The following EXOC6B variants were observed in gnomAD, a reference collection of about 807,000 sequenced individuals.
EXOC6B encodes the protein SEC15 homolog B.
EXOC6B carries 54 observed loss-of-function variants against 113.5 expected under a neutral mutation model. The observed-to-expected ratio is 0.48, with a 90% CI of 0.38 to 0.60. The LOEUF (loss-of-function observed/expected upper bound fraction) is 0.60, where lower values mean the gene tolerates loss of function less well. EXOC6B is among the 20% of genes least tolerant of loss of function. The pLI is 0.00. For synonymous variants in EXOC6B, 357 were observed against 339.0 expected (o/e 1.05, Z -0.58); for missense variants, 797 against 977.5 (o/e 0.82, Z 2.46).
chr2:72,293,923 A>T (rs1454978006), intron 20 of EXOC6B, among the ~76,000 whole-genome samples: 1 of 152,170 alleles, frequency 6.6e-6, no homozygotes, highest in African/African-American at 2.4e-5. Flanking sequence ...ACAGTAAGAG[A>T]CCATCAAGTT....
Position 72,420,634 on chromosome 2 carries a change from C to T in EXOC6B, c.1981-40764G>A, listed in dbSNP as rs145401984. Among the ~76,000 whole-genome samples, 15 of 152,266 alleles carry T rather than the reference C, an allele frequency of 9.9e-5. No individual in the cohort carries two copies. The East Asian group carries it at 2.7e-3, about 27-fold the overall frequency. On this transcript the variant is annotated intron_variant, in intron 18 of 21. Coordinates refer to ENST00000272427, the MANE Select transcript of EXOC6B (RefSeq NM_015189.3). ...TGCCACATTTTCTTAATCAATCTAT[C>T]ATTGATGGACATTTGGGTTGGTTCC...
intron 19 of EXOC6B, among the ~76,000 whole-genome samples, chr2:72,345,314 T>TA (rs750101590): frequency 3.3e-5 from 5 of 152,162 alleles, no homozygotes; most frequent in Non-Finnish European, 7.3e-5. Flanking sequence ...ATCAGCCCAG[T>TA]AACTGCATTG....
intron 8 of EXOC6B, among the ~76,000 whole-genome samples, chr2:72,552,134 A>G (rs141033696): frequency 6.0e-4 from 92 of 152,362 alleles, no homozygotes; most frequent in African/African-American, 2.1e-3. Context: ...TAATGTTGGT[A>G]CTGGCGGATA....
chr2:72,722,305 G>C (rs1573689857), intron 5 of EXOC6B, among the ~76,000 whole-genome samples: 1 of 151,856 alleles, frequency 6.6e-6, no homozygotes. Context: ...TTTGGTATAG[G>C]AAAAATTCAG....
At chr2:72,514,750 CACTT>C (rs2105683015) in intron 9 of EXOC6B, 70 bp from the exon 10 acceptor site, 3 of 935,384 alleles carry the variant, frequency 3.2e-6, no homozygotes. Context: ...TAAAATCAGT[CACTT>C]AATCTCTTAA....
intron 7 of EXOC6B, among the ~76,000 whole-genome samples, chr2:72,561,966 G>A (rs1177775291): frequency 6.6e-6 from 1 of 152,096 alleles, no homozygotes; most frequent in East Asian, 1.9e-4. Flanking sequence ...AAAAAGAGAA[G>A]GGAGTAAAAT....
chr2:72,179,207 A>G lies in EXOC6B; in HGVS notation c.*128T>C. 4 of 1,045,456 alleles carry G rather than the reference A, an allele frequency of 3.8e-6. No individual in the cohort carries two copies. The highest frequency in any genetic ancestry group is 5.4e-6 in the Non-Finnish European group (4 of 738,270). 64.8% of individuals were successfully genotyped at this position (1,045,456 alleles called of 1,614,324 possible). ...GGGAAATGTTATGTGAATACTGCAC[A>G]GGGGTTAATAAAAAAATACATATGC... On this transcript the variant is annotated 3_prime_UTR_variant, in exon 22 of 22. Transcript: ENST00000272427.
intron 6 of EXOC6B, among the ~76,000 whole-genome samples, chr2:72,612,906 G>C (rs1334254072): frequency 6.6e-6 from 1 of 152,142 alleles, no homozygotes; most frequent in African/African-American, 2.4e-5. Flanking sequence ...TTTCTTATTG[G>C]ATGTCTTTAA....
intron 6 of EXOC6B, among the ~76,000 whole-genome samples, chr2:72,633,415 T>C (rs1050529305): frequency 3.3e-5 from 5 of 152,178 alleles, no homozygotes; most frequent in African/African-American, 9.7e-5. Flanking sequence ...GTTGTTGTTG[T>C]TGTTGCTACT....
chr2:72,711,007 A>G (rs772921001), intron 6 of EXOC6B, among the ~76,000 whole-genome samples: 1 of 152,224 alleles, frequency 6.6e-6, no homozygotes, highest in Non-Finnish European at 1.5e-5. Context: ...CAGCCTAGAC[A>G]AGAATGATTA....
chr2:72,715,811 T>C (rs1438838019), intron 6 of EXOC6B, among the ~76,000 whole-genome samples: 1 of 152,134 alleles, frequency 6.6e-6, no homozygotes, highest in African/African-American at 2.4e-5. Flanking sequence ...TACCAGCTCA[T>C]GAGGAACCAT....
intron 20 of EXOC6B, among the ~76,000 whole-genome samples, chr2:72,259,906 G>T (rs1683604668): frequency 6.6e-6 from 1 of 152,090 alleles, no homozygotes; most frequent in African/African-American, 2.4e-5. Flanking sequence ...ACAAAAATTA[G>T]CCAGGGGTGG....
At chr2:72,340,161 T>C (rs938426239) in intron 19 of EXOC6B, among the ~76,000 whole-genome samples, 5 of 152,070 alleles carry the variant, frequency 3.3e-5, no homozygotes, top group African/African-American at 9.7e-5. Context: ...GAAAGCAACA[T>C]ATATAAAAGA....
At chr2:72,755,741 A>G (rs755920760) in intron 1 of EXOC6B, among the ~76,000 whole-genome samples, 28 of 152,154 alleles carry the variant, frequency 1.8e-4, no homozygotes, top group Non-Finnish European at 3.5e-4. Flanking sequence ...CCTCCTCTGG[A>G]AGCTAGGAGA....
At chr2:72,515,701 G>C in intron 8 of EXOC6B, 5 of 988,332 alleles carry the variant, frequency 5.1e-6, no homozygotes, top group Middle Eastern at 5.2e-4. Flanking sequence ...GGCTTAAAAT[G>C]AGAAGTGCTC....
At chr2:72,222,226 G>A (rs144816806) in intron 20 of EXOC6B, among the ~76,000 whole-genome samples, 26 of 152,246 alleles carry the variant, frequency 1.7e-4, no homozygotes, top group African/African-American at 5.8e-4. Context: ...AAGATATAGG[G>A]AATACTATGA....
At position 72,786,256 on chromosome 2, in the gene EXOC6B, GAC is replaced by G. The variant is rs1573795257; in HGVS notation, c.113+39540_113+39541del. ...CAGAAGAAATACAAAGAAATTATAT[GAC>G]AGTCTGTGACCTAGAAGTTGGAGAA... On this transcript the variant is annotated intron_variant, in intron 1 of 21. Transcript: ENST00000272427. Among the ~76,000 whole-genome samples, 5 of 152,302 alleles carry G rather than the reference GAC, an allele frequency of 3.3e-5. No homozygotes were observed. In the East Asian group the frequency reaches 9.6e-4, roughly 29 times the overall value.
intron 18 of EXOC6B, among the ~76,000 whole-genome samples, chr2:72,416,392 T>C (rs1173518411): frequency 1.3e-5 from 2 of 152,248 alleles, no homozygotes; most frequent in Non-Finnish European, 2.9e-5. Context: ...CGTTTTACTC[T>C]GGAGACTAAT....
chr2:72,712,519 C>T (rs1277004482), intron 6 of EXOC6B, among the ~76,000 whole-genome samples: 1 of 152,110 alleles, frequency 6.6e-6, no homozygotes, highest in Admixed American at 6.6e-5. Context: ...GTTGTAGGAC[C>T]AAAGTCCCCA....
Sources: allele counts gnomAD v4.1 joint callset (sites outside exome capture counted in the v4.1 genomes callset), GRCh38; gene constraint gnomAD v4.1.1; transcripts MANE v1.5; gene names NCBI Gene and HGNC (gene_info 2026-07-23, HGNC 2026-07-21).